TP63: variants seen among roughly 807,000 people sequenced by gnomAD.
TP63 encodes the protein tumor protein 63.
A neutral mutation model predicts 82.8 loss-of-function variants in TP63; 17 were observed. The ratio of observed to expected loss-of-function variants is 0.21; its 90% CI spans 0.14 to 0.31. The LOEUF (loss-of-function observed/expected upper bound fraction) is 0.31. Among genes scored for constraint, TP63 ranks in the 10% least tolerant of loss-of-function variants. The pLI, the probability that TP63 is intolerant of heterozygous loss-of-function variation, is 1.00. For missense variants in TP63, 648 were observed against 895.3 expected, an observed-to-expected ratio of 0.72 and a Z score of 3.52; for synonymous variants, 330 against 321.7, an observed-to-expected ratio of 1.03 and a Z score of -0.28.
At chr3:189,884,306 G>A (rs1225212158) in intron 10 of TP63, among the ~76,000 whole-genome samples, 1 of 152,172 alleles carries the variant, frequency 6.6e-6, no homozygotes, top group East Asian at 1.9e-4. Context: ...GAAGTGCTTG[G>A]TAGTAGCTGG....
intron 1 of TP63, among the ~76,000 whole-genome samples, chr3:189,735,344 AG>A (rs1720504104): frequency 6.6e-6 from 1 of 152,168 alleles, no homozygotes; most frequent in Non-Finnish European, 1.5e-5. Flanking sequence ...TTTTCTTCCT[AG>A]AGTTTAAGGC....
intron 4 of TP63, among the ~76,000 whole-genome samples, chr3:189,813,664 C>T (rs1351905481): frequency 6.6e-6 from 1 of 151,790 alleles, no homozygotes; most frequent in African/African-American, 2.4e-5. Flanking sequence ...ACCCTTGGGA[C>T]ATAGGATCAC....
At chr3:189,819,267 G>A (rs559489157) in intron 4 of TP63, among the ~76,000 whole-genome samples, 1 of 152,144 alleles carries the variant, frequency 6.6e-6, no homozygotes, top group African/African-American at 2.4e-5. Context: ...AGTTATATAA[G>A]TATAAGCAAA....
rs543083832 is a variant in TP63, at chr3:189,789,207, C to T, written c.325-19065C>T. Among the ~76,000 whole-genome samples, 57 of 152,110 alleles carry T rather than the reference C, an allele frequency of 3.7e-4. 1 individual carries two copies. In the South Asian group the frequency reaches 9.1e-3, roughly 24 times the overall value. On this transcript the variant is annotated intron_variant, in intron 3 of 13. Transcript: ENST00000264731. ...TTGGTTAAATGTAACAGTGGATTTG[C>T]GTACTCTCTCCTAATTTCTAACTTT...
At chr3:189,663,907 T>G (rs947589493) in intron 1 of TP63, among the ~76,000 whole-genome samples, 2 of 152,166 alleles carry the variant, frequency 1.3e-5, no homozygotes, top group Non-Finnish European at 2.9e-5. Flanking sequence ...AATAATGTTG[T>G]AATATATGTT....
chr3:189,777,738 C>A (rs1576933086), intron 3 of TP63, among the ~76,000 whole-genome samples: 1 of 150,492 alleles, frequency 6.6e-6, no homozygotes, highest in African/African-American at 2.4e-5. Context: ...ATGTATTTCA[C>A]CCGACTTTGT....
At chr3:189,846,682 CTTTTTTTTTT>C (rs1204688713) in intron 4 of TP63, among the ~76,000 whole-genome samples, 2 of 70,628 alleles carry the variant, frequency 2.8e-5, no homozygotes, top group African/African-American at 1.2e-4. Flanking sequence ...TTTCCACATT[CTTTTTTTTTT>C]TTTTTTTTTT....
chr3:189,731,353 G>GA (rs1056541281), intron 1 of TP63, among the ~76,000 whole-genome samples: 6 of 148,112 alleles, frequency 4.1e-5, no homozygotes, highest in Non-Finnish European at 6.0e-5. Context: ...CAAAAAAAAA[G>GA]AAAAAAAAAG....
At chr3:189,793,657 C>G (rs1725393891) in intron 3 of TP63, among the ~76,000 whole-genome samples, 1 of 151,990 alleles carries the variant, frequency 6.6e-6, no homozygotes, top group South Asian at 2.1e-4. Flanking sequence ...ATCCTTCCTT[C>G]CTAGTATAAC....
At chr3:189,701,832 G>A (rs1458005925) in intron 1 of TP63, among the ~76,000 whole-genome samples, 5 of 151,898 alleles carry the variant, frequency 3.3e-5, no homozygotes, top group African/African-American at 7.3e-5. Flanking sequence ...CCTGGCCCAC[G>A]GTCATGTTCA....
At chr3:189,781,956 G>T (rs1468485347) in intron 3 of TP63, among the ~76,000 whole-genome samples, 1 of 152,130 alleles carries the variant, frequency 6.6e-6, no homozygotes, top group Non-Finnish European at 1.5e-5. Flanking sequence ...CAATTATATA[G>T]GATGCCGAAT....
chr3:189,633,183 T>A (rs958553704), intron 1 of TP63, among the ~76,000 whole-genome samples: 2 of 152,122 alleles, frequency 1.3e-5, no homozygotes, highest in African/African-American at 2.4e-5. Context: ...ATCTCAGTTT[T>A]TGACATACTG....
At chr3:189,886,320 G>T (rs540079822) in intron 10 of TP63, 74 bp from the exon 11 acceptor site, 8 of 1,497,900 alleles carry the variant, frequency 5.3e-6, no homozygotes, top group South Asian at 4.5e-5. Context: ...TTTAAACAGA[G>T]ACCTGTTGAA....
upstream of TP63, among the ~76,000 whole-genome samples, chr3:189,627,005 T>C (rs1264380718): frequency 6.6e-6 from 1 of 152,148 alleles, no homozygotes; most frequent in Non-Finnish European, 1.5e-5. Flanking sequence ...GGAATCCTGA[T>C]TGATACATCC....
At chr3:189,745,708 C>CAAAAAAAAAAAAAAAAAAAAAAAAAA (rs71298529) in intron 3 of TP63, among the ~76,000 whole-genome samples, 1 of 17,790 alleles carries the variant, frequency 5.6e-5, no homozygotes, top group Non-Finnish European at 9.9e-5. Flanking sequence ...AACTCCATCT[C>CAAAAAAAAAAAAAAAAAAAAAAAAAA]AAAAAAAAAA....
chr3:189,862,956 G>T (rs964151797), intron 4 of TP63, among the ~76,000 whole-genome samples: 2 of 152,128 alleles, frequency 1.3e-5, no homozygotes, highest in Non-Finnish European at 1.5e-5. Flanking sequence ...TTGTGTGCTG[G>T]AATACTTGGA....
the TP63 span, among the ~76,000 whole-genome samples, chr3:189,618,597 A>G: frequency 6.6e-6 from 1 of 152,172 alleles, no homozygotes; most frequent in South Asian, 2.1e-4. Context: ...ATTTACATGG[A>G]TATTAACAGT....
At chr3:189,791,950 T>C in intron 3 of TP63, among the ~76,000 whole-genome samples, 1 of 152,184 alleles carries the variant, frequency 6.6e-6, no homozygotes, top group Non-Finnish European at 1.5e-5. Flanking sequence ...ACACAAGAAT[T>C]GTTAAACATT....
At chr3:189,763,412 C>T (rs770626784) in intron 3 of TP63, among the ~76,000 whole-genome samples, 2 of 152,146 alleles carry the variant, frequency 1.3e-5, no homozygotes, top group African/African-American at 2.4e-5. Context: ...CATTCAGTTA[C>T]GTTTGATGCT....
Sources: allele counts gnomAD v4.1 joint callset (sites outside exome capture counted in the v4.1 genomes callset), GRCh38; gene constraint gnomAD v4.1.1; transcripts MANE v1.5; gene names NCBI Gene and HGNC (gene_info 2026-07-23, HGNC 2026-07-21).